Variants in LPA observed in about 807,000 individuals in gnomAD.
The protein encoded by LPA is apolipoprotein(a).
Under a neutral mutation model 197.9 loss-of-function variants are expected in LPA, and 199 were observed. The observed-to-expected ratio is 1.01, with a 90% CI of 0.90 to 1.13. The LOEUF is 1.13. Among genes scored for constraint, LPA ranks in the 50% most tolerant of loss-of-function variants. The pLI is 0.00. For missense variants in LPA, 1,853 were observed against 1,785.8 expected (o/e 1.04, Z -0.68); for synonymous variants, 715 against 639.5 (o/e 1.12, Z -1.78).
intron 34 of LPA, among the ~76,000 whole-genome samples, chr6:160,542,133 C>CAAAAA (rs1777991114): frequency 6.6e-6 from 1 of 152,162 alleles, no homozygotes; most frequent in South Asian, 2.1e-4. Context: ...AAACGATACC[C>CAAAAA]AAAATGTCCA....
At chr6:160,626,506 T>G (rs1779654773) in intron 10 of LPA, among the ~76,000 whole-genome samples, 1 of 125,136 alleles carries the variant, frequency 8.0e-6, no homozygotes, top group African/African-American at 3.7e-5. Flanking sequence ...TCTAGAATTG[T>G]GTGTTGGGTA....
chr6:160,549,909 T>G (rs1458491628), intron 30 of LPA, among the ~76,000 whole-genome samples: 1 of 152,130 alleles, frequency 6.6e-6, no homozygotes, highest in Admixed American at 6.5e-5. Context: ...TATGGAGGGT[T>G]CAGAAAAACA....
chr6:160,589,266 T>C (rs944076938), intron 24 of LPA, among the ~76,000 whole-genome samples: 2 of 152,256 alleles, frequency 1.3e-5, no homozygotes, highest in African/African-American at 4.8e-5. Context: ...CATTGTGGAA[T>C]GGTGCTATTT....
intron 2 of LPA, among the ~76,000 whole-genome samples, chr6:160,648,038 G>A (rs1196385828): frequency 6.6e-6 from 1 of 152,052 alleles, no homozygotes; most frequent in Non-Finnish European, 1.5e-5. Flanking sequence ...CGGTTTCTTT[G>A]TTTAGGGGAG....
At chr6:160,604,003 C>T (rs937172066) in intron 18 of LPA, among the ~76,000 whole-genome samples, 10 of 152,174 alleles carry the variant, frequency 6.6e-5, no homozygotes, top group African/African-American at 1.9e-4. Flanking sequence ...ACTGTTCAAT[C>T]GCAGTTGCTA....
At chr6:160,542,105 GA>G (rs1488116358) in intron 34 of LPA, among the ~76,000 whole-genome samples, 1 of 152,164 alleles carries the variant, frequency 6.6e-6, no homozygotes, top group Non-Finnish European at 1.5e-5. Flanking sequence ...CTGAACTTAC[GA>G]ATTGCATGTT....
At chr6:160,626,437 G>C (rs1168240547) in intron 10 of LPA, among the ~76,000 whole-genome samples, 2 of 105,224 alleles carry the variant, frequency 1.9e-5, no homozygotes, top group African/African-American at 4.5e-5. Flanking sequence ...GTGAGTATGG[G>C]TGTGTTTTCA....
At chr6:160,663,047 T>G (rs1012055741) in intron 1 of LPA, among the ~76,000 whole-genome samples, 5 of 152,220 alleles carry the variant, frequency 3.3e-5, no homozygotes, top group African/African-American at 1.2e-4. Flanking sequence ...GTGCCCAAGC[T>G]AGCATGGACC....
chr6:160,537,967 A>T lies in LPA; in HGVS notation c.5736-6T>A, dbSNP rs1266421967. ...TGTCAGTGATGACGGCAGGCCTGTA[A>T]GGAAAGTATTAGCAGTTATGTTTCA... is the stretch of plus-strand genomic sequence containing the variant. On this transcript the variant is annotated splice_region_variant and splice_polypyrimidine_tract_variant and intron_variant, in intron 36 of 38. Coordinates refer to ENST00000316300, the MANE Select transcript of LPA (RefSeq NM_005577.4). 1 of 1,613,716 alleles carries T rather than the reference A, an allele frequency of 6.2e-7. No individual in the cohort carries two copies.
intron 27 of LPA, 130 bp from the exon 28 acceptor site, chr6:160,577,425 AG>A (rs1158926760): frequency 2.5e-6 from 2 of 794,088 alleles, no homozygotes; most frequent in Non-Finnish European, 4.1e-6. Context: ...TAGTAGCAAA[AG>A]GATGTGAAAA....
intron 26 of LPA, among the ~76,000 whole-genome samples, chr6:160,579,323 C>T (rs1234130021): frequency 6.6e-6 from 1 of 152,074 alleles, no homozygotes; most frequent in East Asian, 1.9e-4. Flanking sequence ...GGGTTTGGGT[C>T]TACAGGACTT....
intron 26 of LPA, among the ~76,000 whole-genome samples, chr6:160,582,804 T>C (rs6939089): frequency 0.41 from 61,667 of 151,900 alleles, 13,332 homozygotes; most frequent in African/African-American, 0.56. Flanking sequence ...TCTCTTTCCC[T>C]TCCTCTGTGA....
chr6:160,647,458 C>T (rs1013509779), intron 2 of LPA, among the ~76,000 whole-genome samples: 11 of 152,136 alleles, frequency 7.2e-5, no homozygotes, highest in Admixed American at 6.5e-4. Context: ...AGTGGCTCTA[C>T]ACATGTGGCC....
In LPA at chr6:160,594,094, C is replaced by G. The variant is rs775998211; in HGVS notation, c.3493G>C (p.Val1165Leu). 2 of 1,613,850 alleles carry G rather than the reference C, an allele frequency of 1.2e-6. No homozygotes were observed. The highest frequency in any genetic ancestry group is 1.7e-6 in the Non-Finnish European group (2 of 1,179,820). Residue 1165 changes from valine to leucine, a missense_variant, in exon 22 of 39, where the codon GTC becomes CTC. Coordinates refer to ENST00000316300, the MANE Select transcript of LPA (RefSeq NM_005577.4). The part of the protein sequence containing the change: ...EEAPTEQSPG[V>L]QDCYHGDGQS... Reference sequence around the variant, plus strand: ...CCATCACCATGGTAGCAATCCTGGACCCCGGGGCTTTGCTCCGTTGGTGCT... The same window carrying G: ...CCATCACCATGGTAGCAATCCTGGAGCCCGGGGCTTTGCTCCGTTGGTGCT...
chr6:160,656,887 C>T (rs967215256), intron 1 of LPA, among the ~76,000 whole-genome samples: 1 of 152,152 alleles, frequency 6.6e-6, no homozygotes, highest in Non-Finnish European at 1.5e-5. Context: ...AGTAGGAATA[C>T]AGTAGGTTTC....
chr6:160,654,005 A>ATATAT (rs1562354715), intron 1 of LPA, among the ~76,000 whole-genome samples: 202 of 4,772 alleles, frequency 0.042, 31 homozygotes, highest in African/African-American at 0.11. Flanking sequence ...ATTATATATA[A>ATATAT]TATATATTAT....
At position 160,552,838 on chromosome 6, in the gene LPA, C is replaced by T. The variant is rs938723963; in HGVS notation, c.4973+3187G>A. Among the ~76,000 whole-genome samples the T allele has an allele frequency of 2.6e-5, 4 of 152,096 alleles. No individual in the cohort carries two copies. The South Asian group carries it at 8.3e-4, about 32-fold the overall frequency. ...GCTTAATCCTTTTATATTTAATATA[C>T]TCATAAGGTAGTTCAGTTTGTGTCT... On this transcript the variant is annotated intron_variant, in intron 30 of 38. Coordinates refer to ENST00000316300, the MANE Select transcript of LPA (RefSeq NM_005577.4).
chr6:160,649,044 T>C (rs750073132), intron 2 of LPA, among the ~76,000 whole-genome samples: 2 of 152,126 alleles, frequency 1.3e-5, no homozygotes, highest in Non-Finnish European at 2.9e-5. Flanking sequence ...GATGGTTGAG[T>C]TTTCCTCTCA....
chr6:160,567,852 G>T (rs1416491490), intron 28 of LPA, among the ~76,000 whole-genome samples: 1 of 152,122 alleles, frequency 6.6e-6, no homozygotes, highest in East Asian at 1.9e-4. Context: ...TACCATCAGA[G>T]AATATTATAA....
Sources: allele counts gnomAD v4.1 joint callset (sites outside exome capture counted in the v4.1 genomes callset), GRCh38; gene constraint gnomAD v4.1.1; transcripts MANE v1.5; gene names NCBI Gene and HGNC (gene_info 2026-07-23, HGNC 2026-07-21).